ECE1: variants seen among roughly 807,000 people sequenced by gnomAD.
The protein encoded by ECE1 is endothelin-converting enzyme 1.
A neutral mutation model predicts 98.6 loss-of-function variants in ECE1; 35 were observed. The ratio of observed to expected loss-of-function variants is 0.35; its 90% confidence interval spans 0.27 to 0.47. The LOEUF (loss-of-function observed/expected upper bound fraction) is 0.47, where lower values mean the gene tolerates loss of function less well. ECE1 is among the 20% of genes least tolerant of loss of function. The pLI is 1.00. For synonymous variants in ECE1, 394 were observed against 407.1 expected (o/e 0.97, Z 0.39); for missense variants, 814 against 1,025.3 (o/e 0.79, Z 2.81).
At chr1:21,267,150 C>G (rs907752605) in intron 4 of ECE1, 3 of 152,288 alleles carry the variant, frequency 2.0e-5, no homozygotes, top group African/African-American at 7.2e-5. Flanking sequence ...ATCTTGGAAG[C>G]AGAGAGCAAC....
intron 2 of ECE1, among the ~76,000 whole-genome samples, chr1:21,285,231 A>G (rs1049556344): frequency 6.6e-6 from 1 of 152,172 alleles, no homozygotes; most frequent in African/African-American, 2.4e-5. Flanking sequence ...ATCAAAGGCT[A>G]ATATTTACAA....
intron 1 of ECE1, among the ~76,000 whole-genome samples, chr1:21,324,993 A>G (rs1004033022): frequency 6.6e-6 from 1 of 152,204 alleles, no homozygotes; most frequent in African/African-American, 2.4e-5. Context: ...CATGTCTTCA[A>G]TGGAGGTATC....
At chr1:21,231,043 G>C (rs1428702914) in intron 14 of ECE1, among the ~76,000 whole-genome samples, 1 of 151,670 alleles carries the variant, frequency 6.6e-6, no homozygotes. Context: ...GGTCAGGCTG[G>C]TCTTGAACTC....
Position 21,319,027 on chromosome 1 carries a change from C to T in ECE1, c.3+26349G>A, listed in dbSNP as rs889730981. On this transcript the variant is annotated intron_variant, in intron 1 of 18. Transcript: ENST00000415912. The surrounding 1 kb of genome is among the most constrained non-coding windows in gnomAD (Gnocchi z 4.4). ...TGGGTCTGTACAATCTCCCGGGCTC[C>T]GTTTTCTCATCAGCTAAGTCAAAAT... Among the ~76,000 whole-genome samples the T allele has an allele frequency of 1.3e-5, 2 of 152,166 alleles. No individual in the cohort carries two copies. The highest frequency in any genetic ancestry group is 6.5e-5 in the Admixed American group (1 of 15,278).
At position 21,303,871 on chromosome 1, in the gene ECE1, G is replaced by A. The variant is rs547361346; in HGVS notation, c.4-13715C>T. On this transcript the variant is annotated intron_variant, in intron 1 of 18. Coordinates refer to the ECE1 transcript ENST00000415912. ...TTGCCATGTTGGCCAGGCTGGTCTC[G>A]AACTCTTGACCTCAAGTGATCTGCC... is the stretch of plus-strand genomic sequence containing the variant. Among the ~76,000 whole-genome samples, 61 of 152,038 alleles carry A rather than the reference G, an allele frequency of 4.0e-4. 1 individual carries two copies. Among genetic ancestry groups the A allele is most frequent in the African/African-American group, 1.4e-3 (59 of 41,494 alleles).
chr1:21,221,865 C>T, intron 17 of ECE1, 23 bp from the exon 18 acceptor site: 1 of 1,610,348 alleles, frequency 6.2e-7, no homozygotes, highest in Non-Finnish European at 8.5e-7. Flanking sequence ...AAAACCAAAG[C>T]TCAGGGGTTC....
intron 4 of ECE1, among the ~76,000 whole-genome samples, chr1:21,270,209 C>T (rs2098238690): frequency 6.6e-6 from 1 of 152,242 alleles, no homozygotes; most frequent in Non-Finnish European, 1.5e-5. Context: ...GTCACTTAAC[C>T]TCTGGGAGCC....
chr1:21,266,037 T>C (rs1558399719), intron 4 of ECE1: 1 of 152,144 alleles, frequency 6.6e-6, no homozygotes, highest in Non-Finnish European at 1.5e-5. Flanking sequence ...AGAGCACCAT[T>C]TCATCGGCCG....
At position 21,227,047 on chromosome 1, in the gene ECE1, G is replaced by A. The variant is rs2098175245; in HGVS notation, c.1849+112C>T. 3.9e-6 allele frequency: 4 copies of A among 1,033,930 alleles called. No individual in the cohort carries two copies. In the South Asian group the frequency reaches 5.2e-5, roughly 13 times the overall value. The allele number at this position is 1,033,930 out of a possible 1,614,324, so 64.0% of individuals were successfully genotyped here. ...CCTAATTTTTTTTTTAGTAGAGATG[G>A]AGGTCTTGCTATGTTGCCCAGGCTG... On this transcript the variant is annotated intron_variant, in intron 16 of 18. Transcript: ENST00000374893.
Position 21,256,072 on chromosome 1 carries a change from C to A in ECE1, c.895G>T (p.Ala299Ser). The change falls in exon 8 of 19, where the codon GCC becomes TCC. Residue 299 changes from alanine (A) to serine (S), a missense_variant. Ala to Ser is a moderately conservative substitution (Grantham distance 99). Transcript: ENST00000374893. Reference sequence around the variant, plus strand: ...ATCTGCTGCATCTGGGGCCGGATGGCCTCCTCGTCCCCGCCGCCCAGCAGC... The same window carrying A: ...ATCTGCTGCATCTGGGGCCGGATGGACTCCTCGTCCCCGCCGCCCAGCAGC... ...GKLLGGGDEEAIRPQMQQILD... is the reference protein window; with the variant it reads ...GKLLGGGDEESIRPQMQQILD... The A allele has an allele frequency of 6.2e-7, 1 of 1,610,914 alleles. No homozygotes were observed. The highest frequency in any genetic ancestry group is 8.5e-7 in the Non-Finnish European group (1 of 1,177,164).
intron 5 of ECE1, among the ~76,000 whole-genome samples, chr1:21,259,330 C>T (rs1356882391): frequency 6.6e-6 from 1 of 152,022 alleles, no homozygotes; most frequent in Non-Finnish European, 1.5e-5. Context: ...TGCAGTGGGG[C>T]CATCACAACT....
intron 2 of ECE1, among the ~76,000 whole-genome samples, chr1:21,280,664 T>G (rs2098253362): frequency 6.6e-6 from 1 of 152,136 alleles, no homozygotes; most frequent in Non-Finnish European, 1.5e-5. Context: ...GACTCTGACC[T>G]GCAACGGCCC....
rs747021532 is a variant in ECE1 at position 21,290,047 on chromosome 1, G to C, written c.138+23C>G. 50 of 1,388,354 alleles carry C rather than the reference G, an allele frequency of 3.6e-5. No individual in the cohort carries two copies. Among genetic ancestry groups the C allele is most frequent in the Non-Finnish European group, 4.7e-5 (50 of 1,055,204 alleles). 86.0% of individuals were successfully genotyped at this position (1,388,354 alleles called of 1,614,324 possible). ...CCCGGGCCCGGGGCGCCTGGACCTC[G>C]GGAGGGAGCGGAGGGCGCCTACCTG... On this transcript the variant is annotated intron_variant, in intron 2 of 18. Coordinates refer to ENST00000374893, the MANE Select transcript of ECE1 (RefSeq NM_001397.3). This position sits in a 1 kb window ranked among gnomAD's most constrained non-coding sequence, Gnocchi z 7.3.
At chr1:21,282,413 C>A (rs1373764313) in intron 2 of ECE1, among the ~76,000 whole-genome samples, 4 of 150,248 alleles carry the variant, frequency 2.7e-5, no homozygotes, top group Admixed American at 6.6e-5. Flanking sequence ...CATGGTGAAA[C>A]CCTGTCTCTA....
At chr1:21,254,157 G>A (rs1467487096) in intron 8 of ECE1, among the ~76,000 whole-genome samples, 5 of 152,026 alleles carry the variant, frequency 3.3e-5, no homozygotes, top group Admixed American at 3.3e-4. Context: ...ACACAGCTGG[G>A]GTGAGTGAAC....
chr1:21,306,314 A>G (rs139321796), intron 1 of ECE1, among the ~76,000 whole-genome samples: 21 of 151,060 alleles, frequency 1.4e-4, no homozygotes, highest in African/African-American at 4.7e-4. Context: ...GCCACATACT[A>G]TATGTTAAGT....
intron 14 of ECE1, among the ~76,000 whole-genome samples, chr1:21,231,500 C>T (rs1325718822): frequency 5.3e-5 from 8 of 152,074 alleles, no homozygotes; most frequent in South Asian, 2.1e-4. Context: ...TACCACCATG[C>T]GTGGCTAATT....
intron 1 of ECE1, among the ~76,000 whole-genome samples, chr1:21,309,054 G>C (rs1638660359): frequency 6.6e-6 from 1 of 152,198 alleles, no homozygotes; most frequent in Admixed American, 6.5e-5. Context: ...GACTGGAACT[G>C]GGCCAGGACA....
chr1:21,246,124 T>C (rs1382282318), intron 9 of ECE1, among the ~76,000 whole-genome samples: 2 of 151,994 alleles, frequency 1.3e-5, no homozygotes, highest in East Asian at 1.9e-4. Flanking sequence ...ACAAGTAAGT[T>C]TGGGGAGTTA....
Sources: allele counts gnomAD v4.1 joint callset (sites outside exome capture counted in the v4.1 genomes callset), GRCh38; gene constraint gnomAD v4.1.1; non-coding constraint Gnocchi (gnomAD v3.1); transcripts MANE v1.5; gene names NCBI Gene and HGNC (gene_info 2026-07-23, HGNC 2026-07-21).